The following CES1 variants were observed in gnomAD, a reference collection of about 807,000 sequenced individuals.
CES1 encodes the protein liver carboxylesterase 1.
Under a neutral mutation model 53.0 loss-of-function variants are expected in CES1, and 50 were observed. That is an observed-to-expected ratio of 0.94 (90% confidence interval 0.75 to 1.19). The LOEUF (loss-of-function observed/expected upper bound fraction) is 1.19. Among genes scored for constraint, CES1 ranks in the 50% most tolerant of loss-of-function variants. The probability of loss-of-function intolerance (pLI) is 0.00; values close to 1 mark genes in which losing one functional copy is unlikely to be tolerated. For missense variants in CES1, 534 were observed against 538.0 expected (o/e 0.99, Z 0.07); for synonymous variants, 202 against 210.1 (o/e 0.96, Z 0.33).
Position 55,813,063 on chromosome 16 carries a change from G to C in CES1, c.946-20C>G. ...TTGACTCTGGGGAGAGAGCAGTGCA[G>C]CACCTGTGATTCCCTCCCTAGTCAC... On this transcript the variant is annotated intron_variant, in intron 8 of 13. Coordinates refer to ENST00000360526, the MANE Select transcript of CES1 (RefSeq NM_001025195.2). 2 of 1,613,712 alleles carry C rather than the reference G, an allele frequency of 1.2e-6. No individual in the cohort carries two copies. The highest frequency in any genetic ancestry group is 1.3e-5 in the African/African-American group (1 of 75,028).
intron 1 of CES1, among the ~76,000 whole-genome samples, chr16:55,830,146 G>T (rs748791756): frequency 1.3e-5 from 2 of 152,192 alleles, no homozygotes; most frequent in Non-Finnish European, 2.9e-5. Flanking sequence ...TTCAGATTTG[G>T]TCTTAAAGGG....
intron 8 of CES1, among the ~76,000 whole-genome samples, chr16:55,813,460 A>G (rs1447732825): frequency 2.6e-5 from 4 of 152,012 alleles, no homozygotes; most frequent in Admixed American, 6.5e-5. Flanking sequence ...ATACTGGGTT[A>G]GGTTTTTGCA....
intron 2 of CES1, among the ~76,000 whole-genome samples, chr16:55,827,362 A>G (rs1330172578): frequency 6.6e-6 from 1 of 151,544 alleles, no homozygotes; most frequent in Admixed American, 6.6e-5. Flanking sequence ...GATAAATGCA[A>G]ATTAAAGAGG....
In CES1 at chr16:55,819,493, A is replaced by G. The variant is rs556009282; in HGVS notation, c.906+42T>C. ...GACAGCTGAAATGAAGAAGTCTGGGACCAAGTTTACAGGGTTTGGGCTACG... is the reference window on the plus strand; with the variant it reads ...GACAGCTGAAATGAAGAAGTCTGGGGCCAAGTTTACAGGGTTTGGGCTACG... On this transcript the variant is annotated intron_variant, in intron 7 of 13. Coordinates refer to ENST00000360526, the MANE Select transcript of CES1 (RefSeq NM_001025195.2). The G allele has an allele frequency of 1.5e-4, 222 of 1,449,622 alleles. 1 individual carries two copies. In the South Asian group the frequency reaches 1.8e-3, roughly 12 times the overall value. The allele number at this position is 1,449,622 out of a possible 1,614,324, so 89.8% of individuals were successfully genotyped here.
Position 55,833,027 on chromosome 16 carries a change from G to C in CES1, c.29C>G (p.Thr10Ser). The C allele has an allele frequency of 6.4e-7, 1 of 1,556,114 alleles. No individual in the cohort carries two copies. The highest frequency in any genetic ancestry group is 8.8e-7 in the Non-Finnish European group (1 of 1,138,058). The part of the protein sequence containing the change: MWLRAFILA[T>S]LSASAAWAGH... ...ACCCCAAGCCGCGGAAGCAGAGAGA[G>C]TGGCCAGGATAAAGGCACGGAGCCA... Residue 10 changes from threonine (T) to serine (S), a missense_variant, in exon 1 of 14, where the codon ACT becomes AGT. Coordinates refer to ENST00000360526, the MANE Select transcript of CES1 (RefSeq NM_001025195.2).
Position 55,813,012 on chromosome 16 carries a change from C to T in CES1, c.977G>A (p.Gly326Glu). 6.2e-7 allele frequency: 1 copy of T among 1,614,020 alleles called. No homozygotes were observed. ...TTCAGGTGTTTTCAGCAGCAGCATCCCATCAATCACAGTGCCCAGAAGGGG... is the reference window on the plus strand; with the variant it reads ...TTCAGGTGTTTTCAGCAGCAGCATCTCATCAATCACAGTGCCCAGAAGGGG... ...SQPLLGTVID[G>E]MLLLKTPEEL... The change falls in exon 9 of 14, where the codon GGG becomes GAG. Residue 326 changes from glycine to glutamate, a missense_variant. Around this residue, in one of 5 missense-constraint regions of CES1, gnomAD observed 269 missense variants for 206.6 expected, o/e 1.30. Coordinates refer to ENST00000360526, the MANE Select transcript of CES1 (RefSeq NM_001025195.2).
intron 2 of CES1, chr16:55,828,307 C>G (rs1236404532): frequency 9.8e-6 from 3 of 306,736 alleles, no homozygotes; most frequent in Non-Finnish European, 1.9e-5. Context: ...CACTTGCCAC[C>G]CACACACCTC....
intron 11 of CES1, among the ~76,000 whole-genome samples, chr16:55,809,407 AAAAC>A (rs1409923583): frequency 6.6e-6 from 1 of 152,246 alleles, no homozygotes; most frequent in Non-Finnish European, 1.5e-5. Context: ...TCTAAATTTA[AAAAC>A]CCTTCCAGCA....
chr16:55,821,172 T>A (rs1217065559), intron 5 of CES1, among the ~76,000 whole-genome samples, 196 bp downstream of exon 5: 3 of 152,136 alleles, frequency 2.0e-5, no homozygotes, highest in African/African-American at 7.2e-5. Context: ...GACACTAAGC[T>A]GAGCTCTGAG....
chr16:55,831,155 GA>G (rs140779133), intron 1 of CES1, among the ~76,000 whole-genome samples: 4,062 of 150,108 alleles, frequency 0.027, 143 homozygotes, highest in African/African-American at 0.081. Context: ...AGAGGGAAGA[GA>G]AAAAAAAACA....
Position 55,830,819 on chromosome 16 carries a change from A to AGGCAGGCAGGC in CES1, c.53-1846_53-1845insGCCTGCCTGCC, listed in dbSNP as rs1555514162. ...GAAGGAAGGAAGGAAGGAAGGAAGG[A>AGGCAGGCAGGC]AGGCAGGCAGGCAGGCAGGCAGGCA... On this transcript the variant is annotated intron_variant, in intron 1 of 13. Transcript: ENST00000360526. 2.3e-4 allele frequency among the ~76,000 whole-genome samples: 29 copies of AGGCAGGCAGGC among 127,362 alleles called. No homozygotes were observed. In the East Asian group the frequency reaches 4.0e-3, roughly 18 times the overall value. 83.6% of individuals were successfully genotyped at this position (127,362 alleles called of 152,430 possible).
chr16:55,823,840 T>C (rs1444573694), intron 3 of CES1, among the ~76,000 whole-genome samples, 157 bp from the exon 4 acceptor site: 1 of 152,278 alleles, frequency 6.6e-6, no homozygotes, highest in Non-Finnish European at 1.5e-5. Flanking sequence ...GCAATCTCTC[T>C]CCTGCATAAT....
At chr16:55,821,026 G>A (rs1422044648) in intron 5 of CES1, among the ~76,000 whole-genome samples, 5 of 151,984 alleles carry the variant, frequency 3.3e-5, no homozygotes, top group Admixed American at 6.6e-5. Flanking sequence ...CTTCCCAAGA[G>A]AAGGGATGTG....
intron 8 of CES1, among the ~76,000 whole-genome samples, chr16:55,815,295 T>C (rs2031890042): frequency 6.6e-6 from 1 of 152,138 alleles, no homozygotes; most frequent in South Asian, 2.1e-4. Flanking sequence ...AGGGGATTTG[T>C]CTCATAAGGA....
intron 1 of CES1, among the ~76,000 whole-genome samples, chr16:55,830,819 AAGGCAGGCAGGC>A (rs57294788): frequency 1.6e-5 from 2 of 127,288 alleles, no homozygotes; most frequent in Admixed American, 7.7e-5. Context: ...GGAAGGAAGG[AAGGCAGGCAGGC>A]AGGCAGGCAG....
At chr16:55,809,802 C>G (rs867125693) in intron 11 of CES1, among the ~76,000 whole-genome samples, 1 of 152,228 alleles carries the variant, frequency 6.6e-6, no homozygotes, top group Non-Finnish European at 1.5e-5. Context: ...ACTTAACAAA[C>G]TTGTTTGCAG....
chr16:55,831,417 G>A (rs1353173686), intron 1 of CES1, among the ~76,000 whole-genome samples: 1 of 151,162 alleles, frequency 6.6e-6, no homozygotes, highest in Non-Finnish European at 1.5e-5. Flanking sequence ...GAAAAAGTGG[G>A]TGAATGGGGG....
intron 7 of CES1, among the ~76,000 whole-genome samples, chr16:55,818,004 A>G (rs1414954728): frequency 1.3e-5 from 2 of 152,168 alleles, no homozygotes; most frequent in Non-Finnish European, 2.9e-5. Context: ...TTCCTTGAAC[A>G]CTTTGGTCAC....
chr16:55,815,989 C>T (rs2031926354), intron 8 of CES1, among the ~76,000 whole-genome samples: 1 of 152,296 alleles, frequency 6.6e-6, no homozygotes, highest in Admixed American at 6.5e-5. Flanking sequence ...CCCCTTCTGT[C>T]AGGGTCTTTG....
Sources: gnomAD v4.1 joint callset for allele counts (sites outside exome capture counted in the v4.1 genomes callset) on GRCh38, gnomAD v4.1.1 for gene constraint, gnomAD v4.1.1 regional missense constraint, MANE v1.5 for transcripts, NCBI Gene and HGNC (gene_info 2026-07-23, HGNC 2026-07-21) for gene names.